Variants in PLCL2 observed in about 807,000 individuals in gnomAD.
PLCL2 encodes inactive phospholipase C-like protein 2.
PLCL2 carries 4 observed loss-of-function variants against 79.6 expected under a neutral mutation model. The observed-to-expected ratio is 0.05, with a 90% CI of 0.02 to 0.11. The LOEUF (loss-of-function observed/expected upper bound fraction) is 0.11. PLCL2 is among the 10% of genes least tolerant of loss of function. The pLI, the probability that PLCL2 is intolerant of heterozygous loss-of-function variation, is 1.00. For synonymous variants in PLCL2, 484 were observed against 457.7 expected (o/e 1.06, Z -0.73); for missense variants, 895 against 1,291.0 (o/e 0.69, Z 4.70).
In PLCL2 at chr3:17,009,131, C is replaced by T. The variant is rs150402220; in HGVS notation, c.328-543C>T. 2.9e-4 allele frequency among the ~76,000 whole-genome samples: 44 copies of T among 152,028 alleles called. No homozygotes were observed. The highest frequency in any genetic ancestry group is 1.0e-3 in the African/African-American group (42 of 41,446). On this transcript the variant is annotated intron_variant, in intron 1 of 5. Transcript: ENST00000615277. The surrounding 1 kb of genome is among the most constrained non-coding windows in gnomAD (Gnocchi z 4.0). ...TCCCGAGTAGGTGGGATTACAGGCA[C>T]CCGCCACCATGCCCGGCTAATTTTT...
chr3:17,031,680 G>A (rs1299018995), intron 3 of PLCL2, among the ~76,000 whole-genome samples: 1 of 152,118 alleles, frequency 6.6e-6, no homozygotes, highest in Admixed American at 6.6e-5. Context: ...TGTACAAAAT[G>A]ATGTATAGCA....
intron 1 of PLCL2, among the ~76,000 whole-genome samples, chr3:16,957,630 G>A (rs1480509197): frequency 1.3e-5 from 2 of 152,128 alleles, no homozygotes; most frequent in African/African-American, 4.8e-5. Context: ...ACAGTGGGGT[G>A]TTAAAGTCTC....
rs773075259 is a variant in PLCL2 at position 17,009,907 on chromosome 3, C to T, written c.561C>T (p.Asp187=). The T allele has an allele frequency of 6.2e-7, 1 of 1,613,488 alleles. No individual in the cohort carries two copies. The highest frequency in any genetic ancestry group is 1.7e-5 in the Admixed American group (1 of 60,028). The change falls in exon 2 of 6, where the codon GAC becomes GAT. Residue 187 remains aspartate, a synonymous_variant. Transcript: ENST00000615277. The surrounding 1 kb of genome is among the most constrained non-coding windows in gnomAD (Gnocchi z 4.0). Reference sequence around the variant, plus strand: ...AGGATTCTGAGAAAGCCAAGATTGACATTAAATCCATCAAGGAAGTGAGAA... The same window carrying T: ...AGGATTCTGAGAAAGCCAAGATTGATATTAAATCCATCAAGGAAGTGAGAA... ...SKKDSEKAKI[D]IKSIKEVRTG...
intron 1 of PLCL2, among the ~76,000 whole-genome samples, chr3:16,905,622 A>G (rs1163275617): frequency 6.6e-6 from 1 of 152,240 alleles, no homozygotes; most frequent in Non-Finnish European, 1.5e-5. Flanking sequence ...TTGTATACCA[A>G]AAAATTAATT....
intron 5 of PLCL2, among the ~76,000 whole-genome samples, chr3:17,072,444 G>A (rs946262132): frequency 2.0e-5 from 3 of 152,038 alleles, no homozygotes; most frequent in African/African-American, 7.2e-5. Flanking sequence ...CGAGCTGCAT[G>A]GATCACCTGA....
At chr3:17,080,431 C>A (rs921344273) in intron 5 of PLCL2, among the ~76,000 whole-genome samples, 1 of 152,056 alleles carries the variant, frequency 6.6e-6, no homozygotes, top group African/African-American at 2.4e-5. Context: ...AATCCGTAGC[C>A]AAGACTCCTA....
chr3:16,951,115 GCTTT>G (rs1293053896), intron 1 of PLCL2, among the ~76,000 whole-genome samples: 1 of 151,986 alleles, frequency 6.6e-6, no homozygotes, highest in African/African-American at 2.4e-5. Context: ...AAACTGAATG[GCTTT>G]CTGTTTTTTT....
intron 1 of PLCL2, among the ~76,000 whole-genome samples, chr3:17,008,803 G>C (rs897797832): frequency 1.3e-5 from 2 of 151,906 alleles, no homozygotes; most frequent in Non-Finnish European, 2.9e-5. Context: ...TTTTCTCTGG[G>C]CTCTGAAAAT....
intron 1 of PLCL2, among the ~76,000 whole-genome samples, chr3:16,984,715 G>A (rs1283915742): frequency 1.3e-5 from 2 of 152,090 alleles, no homozygotes; most frequent in East Asian, 1.9e-4. Flanking sequence ...GGCAGATCAC[G>A]AGGTCAGGAG....
chr3:17,087,507 G>A (rs2065232797), intron 5 of PLCL2, among the ~76,000 whole-genome samples: 1 of 152,230 alleles, frequency 6.6e-6, no homozygotes, highest in Non-Finnish European at 1.5e-5. Context: ...TGGGAGTGGG[G>A]AAGGATGACT....
intron 5 of PLCL2, among the ~76,000 whole-genome samples, chr3:17,087,788 G>A (rs1390105995): frequency 7.9e-5 from 12 of 152,126 alleles, no homozygotes; most frequent in Non-Finnish European, 1.8e-4. Flanking sequence ...CTGTTTTGCT[G>A]TGAACCTAAA....
chr3:17,042,123 A>G (rs2064728678), intron 3 of PLCL2, among the ~76,000 whole-genome samples: 1 of 152,216 alleles, frequency 6.6e-6, no homozygotes, highest in Non-Finnish European at 1.5e-5. Context: ...TACCCATTTG[A>G]GCCATGAGAC....
At chr3:17,039,147 T>C (rs1256659188) in intron 3 of PLCL2, among the ~76,000 whole-genome samples, 1 of 152,248 alleles carries the variant, frequency 6.6e-6, no homozygotes, top group Non-Finnish European at 1.5e-5. Context: ...CCAACACTTG[T>C]ACTATTTATA....
At chr3:16,935,221 A>T (rs1347693799) in intron 1 of PLCL2, among the ~76,000 whole-genome samples, 1 of 152,080 alleles carries the variant, frequency 6.6e-6, no homozygotes, top group Non-Finnish European at 1.5e-5. Context: ...ACATATTCAT[A>T]TCTTTGCTTA....
chr3:17,041,720 A>C (rs1336098623), intron 3 of PLCL2, among the ~76,000 whole-genome samples: 1 of 152,160 alleles, frequency 6.6e-6, no homozygotes, highest in African/African-American at 2.4e-5. Flanking sequence ...AGGTGGGAAG[A>C]TCACTTGAGC....
intron 4 of PLCL2, among the ~76,000 whole-genome samples, chr3:17,045,984 G>A (rs549157875): frequency 1.3e-5 from 2 of 152,256 alleles, no homozygotes; most frequent in African/African-American, 4.8e-5. Context: ...GCAAGAGTAT[G>A]GGGACTTTGC....
chr3:16,895,769 A>AAAG lies in PLCL2; in HGVS notation c.327+10406_327+10408dup, dbSNP rs200292363. The stretch of plus-strand genomic sequence containing the variant: ...GTGGAATCCTATGAGGAAAAGGAAG[A>AAAG]AAGAACAGAAACAGCAGATGACTGC... On this transcript the variant is annotated intron_variant, in intron 1 of 5. Transcript: ENST00000615277. Among the ~76,000 whole-genome samples, 1,191 of 152,350 alleles carry AAAG rather than the reference A, an allele frequency of 7.8e-3. 17 individuals carry two copies. The highest frequency in any genetic ancestry group is 0.027 in the African/African-American group (1,114 of 41,576).
intron 1 of PLCL2, among the ~76,000 whole-genome samples, chr3:16,910,425 C>T (rs545045118): frequency 3.9e-5 from 6 of 152,154 alleles, no homozygotes; most frequent in South Asian, 4.1e-4. Context: ...TGATCATTCC[C>T]CTTCTTGGCA....
At chr3:17,084,127 C>A (rs753332850) in intron 5 of PLCL2, among the ~76,000 whole-genome samples, 23 of 152,038 alleles carry the variant, frequency 1.5e-4, no homozygotes, top group Non-Finnish European at 3.4e-4. Flanking sequence ...TTTATGGACA[C>A]TAAAAGGATA....
Sources: allele counts gnomAD v4.1 joint callset (sites outside exome capture counted in the v4.1 genomes callset), GRCh38; gene constraint gnomAD v4.1.1; non-coding constraint Gnocchi (gnomAD v3.1); transcripts MANE v1.5; gene names NCBI Gene and HGNC (gene_info 2026-07-23, HGNC 2026-07-21).